The following TPD52 variants were observed in gnomAD, a reference collection of about 807,000 sequenced individuals.
The protein encoded by TPD52 is tumor protein D52.
TPD52 carries 17 observed loss-of-function variants against 31.3 expected under a neutral mutation model. That is an observed-to-expected ratio of 0.54 (90% CI 0.37 to 0.82). The LOEUF is 0.82. Ranked by LOEUF, TPD52 falls within the 40% of genes least tolerant of loss-of-function variation. The pLI, the probability that TPD52 is intolerant of heterozygous loss-of-function variation, is 0.00. For synonymous variants in TPD52, 83 were observed against 89.6 expected (o/e 0.93, Z 0.42); for missense variants, 212 against 240.1 (o/e 0.88, Z 0.77).
chr8:80,102,755 G>A (rs559721109), intron 1 of TPD52, among the ~76,000 whole-genome samples: 3 of 152,266 alleles, frequency 2.0e-5, no homozygotes, highest in East Asian at 3.9e-4. Context: ...GATGGGGTCT[G>A]GTGGCCAGGG....
At chr8:80,043,156 A>T (rs931772658) in intron 6 of TPD52, among the ~76,000 whole-genome samples, 1 of 152,200 alleles carries the variant, frequency 6.6e-6, no homozygotes, top group Admixed American at 6.5e-5. Context: ...AGGGAGCAGC[A>T]TAATAGACTG....
intron 1 of TPD52, among the ~76,000 whole-genome samples, chr8:80,120,153 G>T (rs1808157393): frequency 6.6e-6 from 1 of 152,118 alleles, no homozygotes; most frequent in Non-Finnish European, 1.5e-5. Context: ...TCAGTAGATG[G>T]TATCTAAGCA....
At chr8:80,078,224 C>T (rs900131268) in intron 1 of TPD52, among the ~76,000 whole-genome samples, 10 of 152,324 alleles carry the variant, frequency 6.6e-5, no homozygotes, top group African/African-American at 2.2e-4. Context: ...ATTACTTTCC[C>T]GTTTGCCCCA....
chr8:80,088,469 T>C (rs985256577), intron 1 of TPD52, among the ~76,000 whole-genome samples: 2 of 152,186 alleles, frequency 1.3e-5, no homozygotes, highest in Admixed American at 6.5e-5. Flanking sequence ...GAAGCCACCC[T>C]ACAGTGGTCA....
rs1809708481 is a variant in TPD52, at chr8:80,139,915, T to C, written c.19+31510A>G. On this transcript the variant is annotated intron_variant, in intron 1 of 7. Transcript: ENST00000518937. ...GCTAGGGGACCCCACCCGGCTCTTC[T>C]GATTATCTGGCAGAAGTGAGCAAAA... is the stretch of plus-strand genomic sequence containing the variant. Among the ~76,000 whole-genome samples, 2 of 152,178 alleles carry C rather than the reference T, an allele frequency of 1.3e-5. 1 individual carries two copies. The highest frequency in any genetic ancestry group is 2.9e-5 in the Non-Finnish European group (2 of 68,020).
chr8:80,165,248 T>C lies in TPD52; in HGVS notation c.19+6177A>G, dbSNP rs140400535. 3.4e-3 allele frequency among the ~76,000 whole-genome samples: 519 copies of C among 152,310 alleles called. 6 individuals are homozygous for C. Among genetic ancestry groups the C allele is most frequent in the Admixed American group, 0.029 (450 of 15,298 alleles). On this transcript the variant is annotated intron_variant, in intron 1 of 7. Coordinates refer to ENST00000518937, the MANE Select transcript of TPD52 (RefSeq NM_001025253.3). ...CCACATGGCAAGGGAAAGCAAACGC[T>C]CGCACATGCTGGTGGAAGTATAACT...
At chr8:80,156,474 T>A (rs1259441813) in intron 1 of TPD52, among the ~76,000 whole-genome samples, 2 of 152,142 alleles carry the variant, frequency 1.3e-5, no homozygotes, top group South Asian at 2.1e-4. Context: ...GGGAGGAGTA[T>A]CAACGAATGT....
intron 1 of TPD52, among the ~76,000 whole-genome samples, chr8:80,088,518 C>T (rs1815999659): frequency 6.6e-6 from 1 of 151,998 alleles, no homozygotes; most frequent in African/African-American, 2.4e-5. Context: ...GGAGCCAAGT[C>T]GAGTAATTAG....
At chr8:80,080,688 G>A (rs1815175116) in intron 1 of TPD52, 1 of 1,214,708 alleles carries the variant, frequency 8.2e-7, no homozygotes, top group African/African-American at 1.5e-5. Flanking sequence ...ACCTTAGGAG[G>A]GGCTCTATTC....
chr8:80,120,842 G>A (rs755800041), intron 1 of TPD52, among the ~76,000 whole-genome samples: 1 of 152,132 alleles, frequency 6.6e-6, no homozygotes, highest in Admixed American at 6.5e-5. Flanking sequence ...CACTTTGGGA[G>A]GCTGAAGTGA....
chr8:80,164,898 C>CAAAAAAAAAAAAAAAAAAA lies in TPD52; in HGVS notation c.19+6508_19+6526dup, dbSNP rs34027501. On this transcript the variant is annotated intron_variant, in intron 1 of 7. Transcript: ENST00000518937. ...TGGGTGGCAGAGGGAGACAATGTCTCAAAAAAAAAAAAAAAAAAAAAAAAA... is the reference window on the plus strand; with the variant it reads ...TGGGTGGCAGAGGGAGACAATGTCTCAAAAAAAAAAAAAAAAAAAAAAAAAAAAAAAAAAAAAAAAAAAA... Among the ~76,000 whole-genome samples, 4 of 31,904 alleles carry CAAAAAAAAAAAAAAAAAAA rather than the reference C, an allele frequency of 1.3e-4. 1 individual carries two copies. The highest frequency in any genetic ancestry group is 2.2e-4 in the African/African-American group (2 of 9,002). The allele number at this position is 31,904 out of a possible 152,430, so 20.9% of individuals were successfully genotyped here.
At position 80,080,880 on chromosome 8, in the gene TPD52, A is replaced by T. The variant is rs141221093; in HGVS notation, c.20-16287T>A. On this transcript the variant is annotated intron_variant, in intron 1 of 7. Transcript: ENST00000518937. ...AATTTATTTAAAATAAATAAATAAA[A>T]AAATCAGCTGACCATGACTACACCA... 91 of 521,008 alleles carry T rather than the reference A, an allele frequency of 1.7e-4. No homozygotes were observed. In the East Asian group the frequency reaches 6.6e-3, roughly 38 times the overall value. The allele number at this position is 521,008 out of a possible 1,614,324, so 32.3% of individuals were successfully genotyped here.
At chr8:80,129,847 A>G (rs1038507289) in intron 1 of TPD52, among the ~76,000 whole-genome samples, 1 of 151,734 alleles carries the variant, frequency 6.6e-6, no homozygotes, top group Non-Finnish European at 1.5e-5. Context: ...CTACAGGCGC[A>G]CGCCACCACA....
At chr8:80,077,541 A>G (rs1814727503) in intron 1 of TPD52, among the ~76,000 whole-genome samples, 1 of 152,192 alleles carries the variant, frequency 6.6e-6, no homozygotes, top group South Asian at 2.1e-4. Context: ...CTGTTCTATA[A>G]TATCCATTAC....
intron 7 of TPD52, among the ~76,000 whole-genome samples, chr8:80,040,368 T>C (rs541987289): frequency 6.6e-6 from 1 of 152,000 alleles, no homozygotes; most frequent in Admixed American, 6.5e-5. Flanking sequence ...TCTATCGTTT[T>C]TGGTAGAGAC....
At chr8:80,110,943 C>G (rs1009952508) in intron 1 of TPD52, among the ~76,000 whole-genome samples, 1 of 152,214 alleles carries the variant, frequency 6.6e-6, no homozygotes, top group Non-Finnish European at 1.5e-5. Flanking sequence ...TGGGGACTCA[C>G]GCCTGTAATT....
chr8:80,102,666 T>G (rs1448025282), intron 1 of TPD52, among the ~76,000 whole-genome samples: 1 of 152,158 alleles, frequency 6.6e-6, no homozygotes, highest in Non-Finnish European at 1.5e-5. Context: ...CCTAAAATCT[T>G]TGGAATCTCC....
chr8:80,149,490 A>G (rs1239830824), intron 1 of TPD52, among the ~76,000 whole-genome samples: 1 of 152,206 alleles, frequency 6.6e-6, no homozygotes, highest in Non-Finnish European at 1.5e-5. Flanking sequence ...TGGCACTGGT[A>G]TAGTGAGGTG....
chr8:80,042,780 C>G (rs974084521), intron 6 of TPD52, 112 bp from the exon 7 acceptor site: 2 of 944,616 alleles, frequency 2.1e-6, no homozygotes, highest in African/African-American at 3.3e-5. Context: ...GGCAAAAGAA[C>G]AGATATAATC....
Sources: gnomAD v4.1 joint callset for allele counts (sites outside exome capture counted in the v4.1 genomes callset) on GRCh38, gnomAD v4.1.1 for gene constraint, MANE v1.5 for transcripts, NCBI Gene and HGNC (gene_info 2026-07-23, HGNC 2026-07-21) for gene names.